WNK3: variants seen among roughly 807,000 people sequenced by gnomAD.
The protein encoded by WNK3 is serine/threonine-protein kinase WNK3.
WNK3 carries 18 observed loss-of-function variants against 116.7 expected under a neutral mutation model. The ratio of observed to expected loss-of-function variants is 0.15; its 90% CI spans 0.11 to 0.23. The LOEUF (loss-of-function observed/expected upper bound fraction) is 0.23, where lower values mean the gene tolerates loss of function less well. WNK3 is among the 10% of genes least tolerant of loss of function. WNK3 has a pLI of 1.00. For synonymous variants in WNK3, 404 were observed against 469.4 expected (o/e 0.86, Z 1.80); for missense variants, 993 against 1,323.8 (o/e 0.75, Z 3.88).
At chrX:54,267,956 A>G (rs1003744248) in intron 10 of WNK3, among the ~76,000 whole-genome samples, 3 of 110,800 alleles carry the variant, frequency 2.7e-5, no homozygotes, top group Non-Finnish European at 5.7e-5. Flanking sequence ...ACTTAATTTG[A>G]AACGTCATTA....
intron 22 of WNK3, among the ~76,000 whole-genome samples, chrX:54,225,145 T>G (rs1393159977): frequency 9.8e-6 from 1 of 101,527 alleles, no homozygotes. Context: ...TACTTGGGAG[T>G]CTGAGGCAGA....
At chrX:54,315,153 T>A (rs1009534048) in intron 2 of WNK3, among the ~76,000 whole-genome samples, 1 of 108,707 alleles carries the variant, frequency 9.2e-6, no homozygotes, top group Admixed American at 1.0e-4. Context: ...AAAAATCAGC[T>A]GAGCATGGAG....
intron 5 of WNK3, among the ~76,000 whole-genome samples, chrX:54,302,555 C>T (rs2068769003): frequency 9.1e-6 from 1 of 110,027 alleles, no homozygotes; most frequent in Middle Eastern, 4.2e-3. Context: ...CCTGCCTTAG[C>T]CTCCCAAAGT....
chrX:54,348,124 A>ATGTGTGTGTGTGTGTG (rs781868512), intron 1 of WNK3, among the ~76,000 whole-genome samples: 1 of 102,901 alleles, frequency 9.7e-6, no homozygotes, highest in Non-Finnish European at 2.0e-5. Context: ...CATTGTATAT[A>ATGTGTGTGTGTGTGTG]TGTGTGTGTG....
intron 10 of WNK3, among the ~76,000 whole-genome samples, chrX:54,270,349 C>T (rs1477001122): frequency 3.7e-5 from 4 of 108,812 alleles, no homozygotes; most frequent in African/African-American, 1.3e-4. Flanking sequence ...AGGCCCACCT[C>T]GGCCTCCCAA....
intron 17 of WNK3, among the ~76,000 whole-genome samples, chrX:54,244,118 C>A (rs2068051702): frequency 9.0e-6 from 1 of 111,324 alleles, no homozygotes. Flanking sequence ...TATGAAGTTT[C>A]TTTTTTTGGG....
chrX:54,265,856 CA>C (rs2068304038), intron 10 of WNK3, among the ~76,000 whole-genome samples: 1 of 112,189 alleles, frequency 8.9e-6, no homozygotes, highest in Non-Finnish European at 1.9e-5. Flanking sequence ...CCTGCCTGGC[CA>C]ACATGGTGAA....
chrX:54,322,009 AG>A (rs1321264375), intron 2 of WNK3, among the ~76,000 whole-genome samples: 7 of 110,277 alleles, frequency 6.3e-5, no homozygotes, highest in Non-Finnish European at 1.1e-4. Context: ...GAAAGAAAAA[AG>A]AAAAGTGCTC....
chrX:54,340,112 T>C (rs782514470), intron 1 of WNK3, among the ~76,000 whole-genome samples: 2 of 110,970 alleles, frequency 1.8e-5, no homozygotes, highest in Non-Finnish European at 3.8e-5. Flanking sequence ...ATCACGCCTC[T>C]GCACTCCAGC....
intron 10 of WNK3, among the ~76,000 whole-genome samples, chrX:54,282,991 A>T (rs1379013634): frequency 8.9e-6 from 1 of 112,486 alleles, no homozygotes; most frequent in African/African-American, 3.2e-5. Flanking sequence ...ACTTTTAAAA[A>T]AATTATGCCA....
At chrX:54,201,925 C>T in intron 23 of WNK3, 66 bp downstream of exon 23, 1 of 990,255 alleles carries the variant, frequency 1.0e-6, no homozygotes, top group Non-Finnish European at 1.4e-6. Flanking sequence ...AACTATAGGC[C>T]TAAGCGCATC....
chrX:54,251,033 G>A (rs2068124137), intron 15 of WNK3, among the ~76,000 whole-genome samples: 1 of 111,743 alleles, frequency 8.9e-6, no homozygotes, highest in Non-Finnish European at 1.9e-5. Flanking sequence ...ATTGAAATAT[G>A]AGGCAAACTT....
At chrX:54,257,379 A>G (rs1287942891) in intron 11 of WNK3, among the ~76,000 whole-genome samples, 1 of 111,323 alleles carries the variant, frequency 9.0e-6, no homozygotes, top group East Asian at 2.8e-4. Flanking sequence ...TCAGGTGAAC[A>G]AAACAAACCA....
At chrX:54,209,019 A>C (rs958530114) in intron 22 of WNK3, among the ~76,000 whole-genome samples, 1 of 111,565 alleles carries the variant, frequency 9.0e-6, no homozygotes, top group Admixed American at 9.6e-5. Context: ...TCTGAGGAGG[A>C]AAACATGTGT....
At chrX:54,330,528 G>A (rs1248978158) in intron 2 of WNK3, among the ~76,000 whole-genome samples, 1 of 111,741 alleles carries the variant, frequency 8.9e-6, no homozygotes, top group Non-Finnish European at 1.9e-5. Flanking sequence ...CTGCATTCCA[G>A]CCTAGATGAC....
At chrX:54,221,543 T>C (rs782606038) in intron 22 of WNK3, among the ~76,000 whole-genome samples, 5 of 111,753 alleles carry the variant, frequency 4.5e-5, no homozygotes, top group African/African-American at 1.6e-4. Context: ...AGTATTAAAC[T>C]GAACTAGAGG....
chrX:54,272,962 TCAGC>T lies in WNK3; in HGVS notation c.2038-13628_2038-13625del, dbSNP rs1164926564. 2.1e-3 allele frequency among the ~76,000 whole-genome samples: 232 copies of T among 112,019 alleles called. 1 individual carries two copies. The highest frequency in any genetic ancestry group is 7.1e-3 in the African/African-American group (218 of 30,905). ...TAGAGTAATCTTACAAATACACAAC[TCAGC>T]TATGCTAATATGTAGATTTAGCCAT... On this transcript the variant is annotated intron_variant, in intron 10 of 23. Transcript: ENST00000354646.
chrX:54,226,201 G>A (rs1383083530), intron 22 of WNK3, among the ~76,000 whole-genome samples: 1 of 109,636 alleles, frequency 9.1e-6, no homozygotes, highest in Non-Finnish European at 1.9e-5. Flanking sequence ...CGGGTGCAGC[G>A]GCTCAGGCCT....
At chrX:54,298,394 C>CCTAATAAACAAAACATATATCTCA (rs782175984) in the WNK3 span, 6 of 1,176,204 alleles carry the variant, frequency 5.1e-6, no homozygotes, top group Non-Finnish European at 6.9e-6. Context: ...TGATAGACAA[C>CCTAATAAACAAAACATATATCTCA]CTAATAAACA....
Sources: allele counts gnomAD v4.1 joint callset (sites outside exome capture counted in the v4.1 genomes callset), GRCh38; gene constraint gnomAD v4.1.1; transcripts MANE v1.5; gene names NCBI Gene and HGNC (gene_info 2026-07-23, HGNC 2026-07-21).